DSG2: variants seen among roughly 807,000 people sequenced by gnomAD.
DSG2 encodes desmoglein-2.
In DSG2, 45 loss-of-function variants were observed where a neutral mutation model predicts 75.6. That is an observed-to-expected ratio of 0.60 (90% CI 0.47 to 0.76). The LOEUF (loss-of-function observed/expected upper bound fraction) is 0.76, where lower values mean the gene tolerates loss of function less well. Among genes scored for constraint, DSG2 ranks in the 30% least tolerant of loss-of-function variants. DSG2 has a pLI of 0.00. For synonymous variants in DSG2, 429 were observed against 483.9 expected (o/e 0.89, Z 1.49); for missense variants, 1,267 against 1,357.4 (o/e 0.93, Z 1.05).
chr18:31,539,264 C>T (rs750470760), intron 12 of DSG2, among the ~76,000 whole-genome samples: 11 of 152,162 alleles, frequency 7.2e-5, no homozygotes, highest in Non-Finnish European at 1.3e-4. Context: ...TCTGTGAGGG[C>T]AGCATGCTGT....
intron 1 of DSG2, among the ~76,000 whole-genome samples, chr18:31,503,081 A>G (rs146892575): frequency 2.3e-4 from 35 of 152,350 alleles, no homozygotes; most frequent in African/African-American, 7.7e-4. Flanking sequence ...AGAAATGTCC[A>G]TAAGAAAAGA....
chr18:31,530,496 C>T lies in DSG2; in HGVS notation c.1015-491C>T, dbSNP rs181832673. On this transcript the variant is annotated intron_variant, in intron 8 of 14. Coordinates refer to ENST00000261590, the MANE Select transcript of DSG2 (RefSeq NM_001943.5). The stretch of plus-strand genomic sequence containing the variant: ...GCAGTGGCATGATCATGGCTCACTG[C>T]AGCCTCAACCCTCTGGGCTCAAGCA... 1.4e-3 allele frequency among the ~76,000 whole-genome samples: 211 copies of T among 152,266 alleles called. 1 individual carries two copies. Among genetic ancestry groups the T allele is most frequent in the Middle Eastern group, 0.01 (3 of 294 alleles).
Position 31,546,669 on chromosome 18 carries a change from C to A in DSG2, c.3283C>A (p.His1095Asn), listed in dbSNP as rs140193292. ...LPDFGLEESG[H>N]SNSTITTSST... ...AGATTTTGGTTTAGAGGAATCTGGT[C>A]ATTCTAATTCTACCATAACCACATC... is the stretch of plus-strand genomic sequence containing the variant. Residue 1095 changes from histidine (H) to asparagine (N), a missense_variant, in exon 15 of 15, where the codon CAT (histidine) becomes AAT (asparagine). Transcript: ENST00000261590. 31 of 1,614,142 alleles carry A rather than the reference C, an allele frequency of 1.9e-5. No individual in the cohort carries two copies. The African/African-American group carries it at 3.6e-4, about 19-fold the overall frequency.
At chr18:31,509,597 A>G (rs571127539) in intron 1 of DSG2, among the ~76,000 whole-genome samples, 1 of 152,346 alleles carries the variant, frequency 6.6e-6, no homozygotes, top group Admixed American at 6.5e-5. Flanking sequence ...AATAAATGTT[A>G]TAAAAACTGT....
At chr18:31,519,678 C>T in intron 2 of DSG2, 125 bp from the exon 3 acceptor site, 1 of 990,772 alleles carries the variant, frequency 1.0e-6, no homozygotes, top group Non-Finnish European at 1.6e-6. Flanking sequence ...AATGAAGCCT[C>T]ATAGGAAATA....
Position 31,547,440 on chromosome 18 carries a change from G to A in DSG2, c.*697G>A, listed in dbSNP as rs1432517871. ...GCCTGTAATCCCAGCACTTTGGGAGGCCGAGGCGGGTGGATCAACTGTGGT... is the reference window on the plus strand; with the variant it reads ...GCCTGTAATCCCAGCACTTTGGGAGACCGAGGCGGGTGGATCAACTGTGGT... On this transcript the variant is annotated 3_prime_UTR_variant, in exon 15 of 15. Coordinates refer to ENST00000261590, the MANE Select transcript of DSG2 (RefSeq NM_001943.5). 1 of 152,796 alleles carries A rather than the reference G, an allele frequency of 6.5e-6. No homozygotes were observed. The allele number at this position is 152,796 out of a possible 1,614,324, so 9.5% of individuals were successfully genotyped here. A position where few individuals can be genotyped will look rare whatever the true frequency, so the allele number is the denominator to read the frequency against.
chr18:31,524,938 G>T, intron 8 of DSG2, 50 bp downstream of exon 8: 3 of 1,550,712 alleles, frequency 1.9e-6, no homozygotes, highest in Non-Finnish European at 2.7e-6. Flanking sequence ...GTGCTGGAAA[G>T]GAATCTAATA....
At chr18:31,516,178 G>T (rs1164646527) in intron 1 of DSG2, among the ~76,000 whole-genome samples, 1 of 152,050 alleles carries the variant, frequency 6.6e-6, no homozygotes, top group African/African-American at 2.4e-5. Flanking sequence ...AAATATATTT[G>T]GTTTGCCAAT....
intron 1 of DSG2, among the ~76,000 whole-genome samples, chr18:31,511,619 C>T (rs1384949504): frequency 6.6e-6 from 1 of 152,170 alleles, no homozygotes; most frequent in African/African-American, 2.4e-5. Flanking sequence ...CAGTCCATAA[C>T]ACCTTACTAA....
intron 1 of DSG2, among the ~76,000 whole-genome samples, chr18:31,517,771 A>G (rs1167977470): frequency 6.6e-6 from 1 of 152,066 alleles, no homozygotes; most frequent in Non-Finnish European, 1.5e-5. Flanking sequence ...CCGAGAAGTC[A>G]GAACATGGGC....
intron 8 of DSG2, among the ~76,000 whole-genome samples, chr18:31,528,971 A>G (rs1350709626): frequency 6.6e-6 from 1 of 152,136 alleles, no homozygotes; most frequent in East Asian, 1.9e-4. Context: ...ATCATGCTGT[A>G]CACTTAAAAT....
rs893262083 is a variant in DSG2 at position 31,541,301 on chromosome 18, C to T, written c.1988C>T (p.Pro663Leu). The change falls in exon 13 of 15, where the codon CCA becomes CTA. Residue 663 changes from proline (P) to leucine (L), a missense_variant. Coordinates refer to ENST00000261590, the MANE Select transcript of DSG2 (RefSeq NM_001943.5). Reference sequence around the variant, plus strand: ...CATCCTTGGAATAATGAAGGAGCACCACCTGAAGACAAGGTCAGTGGATCA... The same window carrying T: ...CATCCTTGGAATAATGAAGGAGCACTACCTGAAGACAAGGTCAGTGGATCA... ...MLHPWNNEGA[P>L]PEDKVVPSFL... The T allele has an allele frequency of 6.2e-7, 1 of 1,614,028 alleles. No individual in the cohort carries two copies. Among genetic ancestry groups the T allele is most frequent in the East Asian group, 2.2e-5 (1 of 44,872 alleles).
intron 1 of DSG2, among the ~76,000 whole-genome samples, chr18:31,515,844 C>T (rs928784676): frequency 2.0e-5 from 3 of 152,086 alleles, no homozygotes; most frequent in Admixed American, 6.5e-5. Flanking sequence ...TGGAATGGAC[C>T]CTACAGGAAG....
chr18:31,502,460 A>C (rs2073018438), intron 1 of DSG2, among the ~76,000 whole-genome samples: 1 of 152,222 alleles, frequency 6.6e-6, no homozygotes, highest in Non-Finnish European at 1.5e-5. Flanking sequence ...TTAAAATTAG[A>C]AACTTTAGGC....
At chr18:31,538,630 G>GAACAAAGT (rs2073246536) in intron 11 of DSG2, 121 bp from the exon 12 acceptor site, 2 of 869,180 alleles carry the variant, frequency 2.3e-6, no homozygotes, top group Non-Finnish European at 3.8e-6. Context: ...AGTGAAGGAA[G>GAACAAAGT]AACAAAGTAC....
At chr18:31,508,110 G>C (rs2073048310) in intron 1 of DSG2, among the ~76,000 whole-genome samples, 1 of 152,098 alleles carries the variant, frequency 6.6e-6, no homozygotes, top group African/African-American at 2.4e-5. Context: ...TGTATAAAGT[G>C]TAAGGAAGGG....
At chr18:31,532,907 T>TTTTGTTTGTTTG (rs78547095) in intron 9 of DSG2, among the ~76,000 whole-genome samples, 46 of 150,160 alleles carry the variant, frequency 3.1e-4, no homozygotes, top group African/African-American at 8.2e-4. Flanking sequence ...TTGGCTGCTG[T>TTTTGTTTGTTTG]TTTGTTTGTT....
intron 11 of DSG2, among the ~76,000 whole-genome samples, chr18:31,537,007 A>G (rs2073235033): frequency 6.6e-6 from 1 of 152,232 alleles, no homozygotes; most frequent in South Asian, 2.1e-4. Context: ...CAGGACATCT[A>G]GACACATGGA....
rs1284854765 is a variant in DSG2 at position 31,548,468 on chromosome 18, GAC to G, written c.*1729_*1730del. The G allele has an allele frequency of 6.6e-6, 1 of 152,108 alleles. No homozygotes were observed. The highest frequency in any genetic ancestry group is 6.5e-5 in the Admixed American group (1 of 15,278). 9.4% of individuals were successfully genotyped at this position (152,108 alleles called of 1,614,324 possible). A position where few individuals can be genotyped will look rare whatever the true frequency, so the allele number is the denominator to read the frequency against. On this transcript the variant is annotated 3_prime_UTR_variant, in exon 15 of 15. Transcript: ENST00000261590. ...TGCTCCCACTAACTGTACAGATCAG[GAC>G]ACATATTTTTAGACATCTAAGTCTG...
Sources: gnomAD v4.1 joint callset for allele counts (sites outside exome capture counted in the v4.1 genomes callset) on GRCh38, gnomAD v4.1.1 for gene constraint, MANE v1.5 for transcripts, NCBI Gene and HGNC (gene_info 2026-07-23, HGNC 2026-07-21) for gene names.